Variants in INSYN1 observed in about 807,000 individuals in gnomAD.
The protein encoded by INSYN1 is inhibitory synaptic factor 1.
INSYN1 carries 7 observed loss-of-function variants against 17.1 expected under a neutral mutation model. The ratio of observed to expected loss-of-function variants is 0.41; its 90% CI spans 0.23 to 0.77. The LOEUF is 0.77. Ranked by LOEUF, INSYN1 falls within the 30% of genes least tolerant of loss-of-function variation. The probability of loss-of-function intolerance (pLI) is 0.32; values close to 1 mark genes in which losing one functional copy is unlikely to be tolerated. For synonymous variants in INSYN1, 174 were observed against 166.3 expected, an observed-to-expected ratio of 1.05 and a Z score of -0.36; for missense variants, 339 against 400.6, an observed-to-expected ratio of 0.85 and a Z score of 1.31.
At chr15:73,745,362 A>G (rs937286674) in intron 2 of INSYN1, among the ~76,000 whole-genome samples, 2 of 151,944 alleles carry the variant, frequency 1.3e-5, no homozygotes, top group African/African-American at 4.8e-5. Flanking sequence ...GCCTCACCTG[A>G]CACGCCCTCC....
chr15:73,739,869 T>TTTA lies in INSYN1; in HGVS notation c.*47_*48insTAA, dbSNP rs1567034842. The TTTA allele has an allele frequency of 1.4e-4, 50 of 354,340 alleles. 1 individual carries two copies. The highest frequency in any genetic ancestry group is 1.0e-3 in the Admixed American group (26 of 25,934). 21.9% of individuals were successfully genotyped at this position (354,340 alleles called of 1,614,324 possible). ...TATATATATATATATATATATATATTTATTTATAGCTCTATGTGCCCACCG... is the reference window on the plus strand; with the variant it reads ...TATATATATATATATATATATATATTTTATATTTATAGCTCTATGTGCCCACCG... On this transcript the variant is annotated 3_prime_UTR_variant, in exon 3 of 3. Coordinates refer to ENST00000569673, the MANE Select transcript of INSYN1 (RefSeq NM_001039614.3).
chr15:73,746,501 T>C lies in INSYN1; in HGVS notation c.156+4474A>G, dbSNP rs543429779. Among the ~76,000 whole-genome samples the C allele has an allele frequency of 1.2e-4, 19 of 152,294 alleles. 1 individual carries two copies. In the South Asian group the frequency reaches 3.9e-3, roughly 32 times the overall value. ...CACTTGCATGGCCTATGGCTTTCCC[T>C]GCCACCTTCAGACAAAGCCCCTTGC... On this transcript the variant is annotated intron_variant, in intron 2 of 2. Coordinates refer to ENST00000569673, the MANE Select transcript of INSYN1 (RefSeq NM_001039614.3).
Position 73,739,922 on chromosome 15 carries a change from T to C in INSYN1, c.877A>G (p.Asn293Asp). The change falls in exon 3 of 3, where the codon AAC (asparagine) becomes GAC (aspartate). Residue 293 changes from asparagine to aspartate, a missense_variant. Physicochemically the swap from Asn to Asp is conservative, Grantham distance 23. Coordinates refer to ENST00000569673, the MANE Select transcript of INSYN1 (RefSeq NM_001039614.3). ...CCCGGCCCCCTCCCCGGCCCCTAGT[T>C]TTTCCCCCTGGCTTTCTGTCTAGTG... is the stretch of plus-strand genomic sequence containing the variant. ...TATRQKARGKN is the reference protein window; with the variant it reads ...TATRQKARGKD The C allele has an allele frequency of 6.3e-7, 1 of 1,582,640 alleles. No individual in the cohort carries two copies. The highest frequency in any genetic ancestry group is 8.6e-7 in the Non-Finnish European group (1 of 1,158,054).
At chr15:73,744,797 C>T (rs1033554032) in intron 2 of INSYN1, among the ~76,000 whole-genome samples, 4 of 152,112 alleles carry the variant, frequency 2.6e-5, no homozygotes, top group South Asian at 2.1e-4. Context: ...ATCAGACAAC[C>T]CCCAAGCCAG....
chr15:73,745,212 C>T (rs1291125693), intron 2 of INSYN1, among the ~76,000 whole-genome samples: 2 of 152,096 alleles, frequency 1.3e-5, no homozygotes, highest in African/African-American at 2.4e-5. Context: ...CCCTTCCATA[C>T]TCCCCAAACT....
chr15:73,744,417 A>C (rs959301085), intron 2 of INSYN1, among the ~76,000 whole-genome samples: 1 of 152,236 alleles, frequency 6.6e-6, no homozygotes, highest in African/African-American at 2.4e-5. Flanking sequence ...AATCTGGCCC[A>C]ACCTATTAGG....
At position 73,740,484 on chromosome 15, in the gene INSYN1, G is replaced by T. The variant is rs1901664157; in HGVS notation, c.315C>A (p.Ile105=). The part of the protein sequence containing the change: ...LGHLDFMTAD[I]LSDSWEFCSF... ...AGCAGAACTCCCAGCTGTCTGAGAG[G>T]ATATCGGCTGTCATGAAGTCCAGGT... Residue 105 remains isoleucine, a synonymous_variant, in exon 3 of 3, where the codon ATC becomes ATA. Coordinates refer to ENST00000569673, the MANE Select transcript of INSYN1 (RefSeq NM_001039614.3). 1 of 1,614,028 alleles carries T rather than the reference G, an allele frequency of 6.2e-7. No individual in the cohort carries two copies. The highest frequency in any genetic ancestry group is 8.5e-7 in the Non-Finnish European group (1 of 1,180,044).
rs138011647 is a variant in INSYN1 at position 73,751,237 on chromosome 15, G to T, written c.-107C>A. The T allele has an allele frequency of 2.2e-6, 3 of 1,379,164 alleles. No homozygotes were observed. The highest frequency in any genetic ancestry group is 2.9e-5 in the African/African-American group (2 of 69,982). The allele number at this position is 1,379,164 out of a possible 1,614,324, so 85.4% of individuals were successfully genotyped here. ...GCTGGGCAGAGCTCCACATTTTAAC[G>T]GCCCCCCAGCCCACCCTGGCCCTGG... On this transcript the variant is annotated 5_prime_UTR_variant, in exon 2 of 3. Coordinates refer to ENST00000569673, the MANE Select transcript of INSYN1 (RefSeq NM_001039614.3).
At chr15:73,749,139 C>T (rs1332112742) in intron 2 of INSYN1, among the ~76,000 whole-genome samples, 1 of 152,172 alleles carries the variant, frequency 6.6e-6, no homozygotes, top group Non-Finnish European at 1.5e-5. Flanking sequence ...AGAGCTATTG[C>T]ATCACAGATG....
intron 2 of INSYN1, among the ~76,000 whole-genome samples, chr15:73,744,092 G>A (rs776245611): frequency 3.3e-5 from 5 of 152,174 alleles, no homozygotes; most frequent in Admixed American, 2.6e-4. Context: ...GGCTTAATGC[G>A]CTTTGGACAG....
In INSYN1 at chr15:73,751,041, C is replaced by T. The variant is rs753267686; in HGVS notation, c.90G>A (p.Lys30=). ...TGCCCTCAAGCTGCCCGATGACCAT[C>T]TTCATGCGCTGTCGAATCCGCTCCC... ...GERERIRQRM[K]MVIGQLEGIL... Residue 30 remains lysine, a synonymous_variant, in exon 2 of 3, where the codon AAG becomes AAA. Coordinates refer to ENST00000569673, the MANE Select transcript of INSYN1 (RefSeq NM_001039614.3). 3.7e-6 allele frequency: 6 copies of T among 1,613,984 alleles called. No homozygotes were observed. In the East Asian group the frequency reaches 1.3e-4, roughly 36 times the overall value.
intron 2 of INSYN1, among the ~76,000 whole-genome samples, chr15:73,745,788 G>A (rs907025689): frequency 6.8e-5 from 8 of 118,188 alleles, no homozygotes; most frequent in African/African-American, 2.7e-4. Flanking sequence ...CAGCCTGGGC[G>A]ACAGAGCGAG....
rs528647514 is a variant in INSYN1 at position 73,741,956 on chromosome 15, A to T, written c.157-1314T>A. Among the ~76,000 whole-genome samples the T allele has an allele frequency of 4.6e-5, 7 of 152,302 alleles. No individual in the cohort carries two copies. In the South Asian group the frequency reaches 1.5e-3, roughly 32 times the overall value. On this transcript the variant is annotated intron_variant, in intron 2 of 2. Coordinates refer to ENST00000569673, the MANE Select transcript of INSYN1 (RefSeq NM_001039614.3). The stretch of plus-strand genomic sequence containing the variant: ...CAGAGTGGCTTGGGCCAGTGGGAAG[A>T]CTACTTGATCAGGAGTCAGGGGCTG...
At chr15:73,747,214 A>T (rs1307737286) in intron 2 of INSYN1, among the ~76,000 whole-genome samples, 11 of 151,904 alleles carry the variant, frequency 7.2e-5, no homozygotes, top group African/African-American at 2.7e-4. Flanking sequence ...TTGTATCCTC[A>T]CTTCTGTGGG....
At chr15:73,749,394 G>A (rs749152103) in intron 2 of INSYN1, among the ~76,000 whole-genome samples, 20 of 152,174 alleles carry the variant, frequency 1.3e-4, no homozygotes, top group Non-Finnish European at 2.6e-4. Context: ...TGGCTATGCG[G>A]TGGGGAGAGG....
rs571707125 is a variant in INSYN1 at position 73,737,994 on chromosome 15, T to A, written c.*1923A>T. ...CTGCGAGGGACCAAGCAATGGAGTG[T>A]TTGTGACCCAGGGGTGGCTCCCAGT... On this transcript the variant is annotated 3_prime_UTR_variant, in exon 3 of 3. Transcript: ENST00000569673. 1.3e-5 allele frequency: 2 copies of A among 152,420 alleles called. No homozygotes were observed. The highest frequency in any genetic ancestry group is 4.1e-4 in the South Asian group (2 of 4,832). The allele number at this position is 152,420 out of a possible 1,614,324, so 9.4% of individuals were successfully genotyped here.
chr15:73,745,890 T>A (rs1901814095), intron 2 of INSYN1, among the ~76,000 whole-genome samples: 1 of 152,002 alleles, frequency 6.6e-6, no homozygotes, highest in Non-Finnish European at 1.5e-5. Context: ...ACCTGGACAA[T>A]CCTATATTGC....
At position 73,740,323 on chromosome 15, in the gene INSYN1, G is replaced by A. The variant is rs1901655040; in HGVS notation, c.476C>T (p.Ser159Phe). 1.2e-6 allele frequency: 2 copies of A among 1,610,940 alleles called. No homozygotes were observed. Among genetic ancestry groups the A allele is most frequent in the Admixed American group, 1.7e-5 (1 of 59,740 alleles). The change falls in exon 3 of 3, where the codon TCC (serine) becomes TTC (phenylalanine). Residue 159 changes from serine (S) to phenylalanine (F), a missense_variant. Coordinates refer to ENST00000569673, the MANE Select transcript of INSYN1 (RefSeq NM_001039614.3). The stretch of plus-strand genomic sequence containing the variant: ...AGCACCAAAGGCCTCCTCACTGGAG[G>A]AGTCTGGGGTCTCCACTCGTGGCCC... ...PNGPRVETPD[S>F]SSEEAFGAGP...
At chr15:73,741,119 A>T (rs1901681517) in intron 2 of INSYN1, among the ~76,000 whole-genome samples, 2 of 152,206 alleles carry the variant, frequency 1.3e-5, no homozygotes, top group Non-Finnish European at 2.9e-5. Context: ...GGTGATCACA[A>T]GGAAGACCCT....
Sources: allele counts gnomAD v4.1 joint callset (sites outside exome capture counted in the v4.1 genomes callset), GRCh38; gene constraint gnomAD v4.1.1; transcripts MANE v1.5; gene names NCBI Gene and HGNC (gene_info 2026-07-23, HGNC 2026-07-21).